Variants in ZFAND6 observed in about 807,000 individuals in gnomAD.
ZFAND6 encodes AN1-type zinc finger protein 6.
A neutral mutation model predicts 24.5 loss-of-function variants in ZFAND6; 12 were observed. The observed-to-expected ratio is 0.49, with a 90% CI of 0.31 to 0.79. ZFAND6 has a LOEUF of 0.79. Among genes scored for constraint, ZFAND6 ranks in the 30% least tolerant of loss-of-function variants. The probability of loss-of-function intolerance (pLI) is 0.04; values close to 1 mark genes in which losing one functional copy is unlikely to be tolerated. For missense variants in ZFAND6, 207 were observed against 245.9 expected (o/e 0.84, Z 1.06); for synonymous variants, 92 against 81.5 (o/e 1.13, Z -0.69).
chr15:80,076,276 T>TA (rs1473099612), intron 1 of ZFAND6, among the ~76,000 whole-genome samples: 1 of 152,174 alleles, frequency 6.6e-6, no homozygotes, highest in Non-Finnish European at 1.5e-5. Context: ...AAATGGGTGA[T>TA]ACTGCCACCC....
intron 5 of ZFAND6, among the ~76,000 whole-genome samples, chr15:80,124,636 C>T (rs1186727358): frequency 1.3e-5 from 2 of 152,238 alleles, no homozygotes; most frequent in East Asian, 1.9e-4. Flanking sequence ...CCGTTTTCTC[C>T]ACTTAGCCCT....
At chr15:80,118,830 C>G (rs2142007741) in intron 2 of ZFAND6, among the ~76,000 whole-genome samples, 1 of 152,038 alleles carries the variant, frequency 6.6e-6, no homozygotes, top group East Asian at 1.9e-4. Flanking sequence ...GCTCTTGGTT[C>G]TGAAATACGT....
intron 1 of ZFAND6, among the ~76,000 whole-genome samples, chr15:80,088,413 C>T (rs1397133230): frequency 1.3e-5 from 2 of 151,998 alleles, no homozygotes; most frequent in Non-Finnish European, 2.9e-5. Context: ...ACTAAAAATA[C>T]AAAATTAGGG....
At chr15:80,069,698 G>C (rs1000360399) in intron 1 of ZFAND6, among the ~76,000 whole-genome samples, 1 of 151,844 alleles carries the variant, frequency 6.6e-6, no homozygotes, top group Admixed American at 6.6e-5. Context: ...AATGTCTGCT[G>C]CCCGGGTTCA....
intron 1 of ZFAND6, chr15:80,072,768 T>G (rs996426963): frequency 6.6e-6 from 1 of 152,058 alleles, no homozygotes; most frequent in Non-Finnish European, 1.5e-5. Flanking sequence ...AACACTAAAA[T>G]TAAGCAGGGA....
intron 5 of ZFAND6, among the ~76,000 whole-genome samples, chr15:80,126,785 T>C (rs1254213307): frequency 6.6e-6 from 1 of 152,168 alleles, no homozygotes; most frequent in Non-Finnish European, 1.5e-5. Flanking sequence ...ATAGATAAAT[T>C]GAGCTACATC....
intron 1 of ZFAND6, among the ~76,000 whole-genome samples, chr15:80,092,691 G>GTT (rs1239786470): frequency 1.3e-5 from 2 of 152,020 alleles, no homozygotes; most frequent in African/African-American, 2.4e-5. Flanking sequence ...CATTGACGGT[G>GTT]TTACCCTGGA....
At chr15:80,133,951 A>G (rs1218498798) in intron 6 of ZFAND6, among the ~76,000 whole-genome samples, 1 of 149,990 alleles carries the variant, frequency 6.7e-6, no homozygotes, top group African/African-American at 2.4e-5. Context: ...ATCAGAAAGT[A>G]TCTTGCTAGT....
intron 2 of ZFAND6, among the ~76,000 whole-genome samples, chr15:80,106,724 C>T (rs2039348735): frequency 6.6e-6 from 1 of 151,606 alleles, no homozygotes; most frequent in African/African-American, 2.4e-5. Context: ...GTGTAGGTAT[C>T]TTTTTCCTCA....
At chr15:80,115,626 A>G (rs1296852594) in intron 2 of ZFAND6, among the ~76,000 whole-genome samples, 4 of 152,152 alleles carry the variant, frequency 2.6e-5, no homozygotes, top group Non-Finnish European at 5.9e-5. Flanking sequence ...TGTCTTTTTC[A>G]GTCTTTCTGA....
At chr15:80,059,642 G>A (rs1409321487), upstream of ZFAND6, 1 of 152,162 alleles carries the variant, frequency 6.6e-6, no homozygotes, top group African/African-American at 2.4e-5. Flanking sequence ...CTCCGCGGTC[G>A]CGTCATAGGC....
intron 1 of ZFAND6, among the ~76,000 whole-genome samples, chr15:80,070,639 A>G (rs1176427947): frequency 2.6e-5 from 4 of 152,178 alleles, no homozygotes; most frequent in Non-Finnish European, 5.9e-5. Context: ...GGTTATGTAT[A>G]GATGGAGAGT....
rs190437656 is a variant in ZFAND6 at position 80,099,473 on chromosome 15, G to T, written c.-18+895G>T. Reference sequence around the variant, plus strand: ...AGGCATGGAGTAGAAGGAATGTTATGCAGTGTATGCACTAAAATGAAATTA... The same window carrying T: ...AGGCATGGAGTAGAAGGAATGTTATTCAGTGTATGCACTAAAATGAAATTA... On this transcript the variant is annotated intron_variant, in intron 2 of 6. Transcript: ENST00000261749. Among the ~76,000 whole-genome samples, 59 of 152,280 alleles carry T rather than the reference G, an allele frequency of 3.9e-4. No individual in the cohort carries two copies. The East Asian group carries it at 0.01, about 26-fold the overall frequency.
At chr15:80,107,913 G>C (rs372121577) in intron 2 of ZFAND6, among the ~76,000 whole-genome samples, 2 of 152,188 alleles carry the variant, frequency 1.3e-5, no homozygotes, top group Admixed American at 6.5e-5. Flanking sequence ...AGGATCTCAA[G>C]AATCCCCAGG....
At chr15:80,112,129 A>G (rs560594857) in intron 2 of ZFAND6, among the ~76,000 whole-genome samples, 145 of 152,172 alleles carry the variant, frequency 9.5e-4, no homozygotes, top group African/African-American at 3.3e-3. Flanking sequence ...GCATGGTGGC[A>G]CATGCCTGTA....
chr15:80,096,454 T>C (rs1030143608), intron 1 of ZFAND6, among the ~76,000 whole-genome samples: 1 of 152,222 alleles, frequency 6.6e-6, no homozygotes, highest in Admixed American at 6.5e-5. Context: ...ATATAACTCT[T>C]ATGAGATTTT....
chr15:80,095,266 T>C (rs2038650676), intron 1 of ZFAND6, among the ~76,000 whole-genome samples: 1 of 152,230 alleles, frequency 6.6e-6, no homozygotes, highest in African/African-American at 2.4e-5. Context: ...GTATCTAATG[T>C]GTTCTCATGA....
At chr15:80,084,580 G>A (rs2037879936) in intron 1 of ZFAND6, among the ~76,000 whole-genome samples, 2 of 152,228 alleles carry the variant, frequency 1.3e-5, no homozygotes, top group Admixed American at 6.5e-5. Context: ...TGGGGGCAGT[G>A]TGTCAGAAAT....
At chr15:80,103,578 A>G (rs4778747) in intron 2 of ZFAND6, among the ~76,000 whole-genome samples, 15,860 of 152,252 alleles carry the variant, frequency 0.1, 1,109 homozygotes, top group Non-Finnish European at 0.16. Context: ...TTTGCTCTTA[A>G]TCAAGAACTT....
Sources: gnomAD v4.1 joint callset for allele counts (sites outside exome capture counted in the v4.1 genomes callset) on GRCh38, gnomAD v4.1.1 for gene constraint, MANE v1.5 for transcripts, NCBI Gene and HGNC (gene_info 2026-07-23, HGNC 2026-07-21) for gene names.